The following ADAMTSL1 variants were observed in gnomAD, a reference collection of about 807,000 sequenced individuals.
The protein encoded by ADAMTSL1 is ADAMTS-like protein 1.
Under a neutral mutation model 201.8 loss-of-function variants are expected in ADAMTSL1, and 126 were observed. The ratio of observed to expected loss-of-function variants is 0.62; its 90% CI spans 0.54 to 0.72. ADAMTSL1 has a LOEUF of 0.72. ADAMTSL1 is among the 30% of genes least tolerant of loss of function. ADAMTSL1 has a pLI of 0.00. For synonymous variants in ADAMTSL1, 1,121 were observed against 903.4 expected (o/e 1.24, Z -4.32); for missense variants, 2,679 against 2,277.8 (o/e 1.18, Z -3.59).
chr9:18,267,595 C>G (rs1832168930), intron 2 of ADAMTSL1, among the ~76,000 whole-genome samples: 1 of 152,010 alleles, frequency 6.6e-6, no homozygotes, highest in Admixed American at 6.6e-5. Flanking sequence ...GGAAAGCACT[C>G]TACGAAAACT....
chr9:18,029,073 G>T (rs1165147141), intron 1 of ADAMTSL1, among the ~76,000 whole-genome samples: 1 of 152,014 alleles, frequency 6.6e-6, no homozygotes, highest in East Asian at 1.9e-4. Context: ...GTCTGTTATT[G>T]GTGTATAAGA....
intron 16 of ADAMTSL1, among the ~76,000 whole-genome samples, chr9:18,762,140 G>C (rs184035930): frequency 6.6e-6 from 1 of 152,232 alleles, no homozygotes; most frequent in Admixed American, 6.5e-5. Context: ...CTAGGCTCTG[G>C]GGAATATAAA....
intron 15 of ADAMTSL1, chr9:18,723,201 C>A: frequency 2.9e-6 from 2 of 688,708 alleles, no homozygotes; most frequent in South Asian, 1.6e-5. Flanking sequence ...ATGACTTGCT[C>A]ACATGTCCCA....
chr9:18,314,675 C>T lies in ADAMTSL1; in HGVS notation c.207+150694C>T, dbSNP rs957708099. On this transcript the variant is annotated intron_variant, in intron 2 of 29. Coordinates refer to the ADAMTSL1 transcript ENST00000680146. ...TTACAGCTCATAAAGGCATGCGGAC[C>T]GAAAGAGTGAGCAGCAGCAAGGTTT... 6.0e-5 allele frequency among the ~76,000 whole-genome samples: 9 copies of T among 150,576 alleles called. No homozygotes were observed. In the South Asian group the frequency reaches 6.4e-4, roughly 11 times the overall value.
At chr9:18,480,351 T>A (rs1007901138) in intron 1 of ADAMTSL1, among the ~76,000 whole-genome samples, 12 of 152,204 alleles carry the variant, frequency 7.9e-5, no homozygotes, top group Admixed American at 6.5e-4. Context: ...TCAGCCTATG[T>A]GATCCTCCAA....
chr9:18,083,253 G>T (rs1302721151), intron 1 of ADAMTSL1, among the ~76,000 whole-genome samples: 1 of 152,202 alleles, frequency 6.6e-6, no homozygotes, highest in Non-Finnish European at 1.5e-5. Flanking sequence ...AAAGATGATG[G>T]TAAGTAGGTT....
At chr9:18,177,490 CT>C (rs1416759666) in intron 2 of ADAMTSL1, among the ~76,000 whole-genome samples, 1 of 152,020 alleles carries the variant, frequency 6.6e-6, no homozygotes, top group African/African-American at 2.4e-5. Flanking sequence ...TTGTTTTTTC[CT>C]TATGTAAAAG....
At chr9:18,562,495 T>G (rs1423591896) in intron 3 of ADAMTSL1, among the ~76,000 whole-genome samples, 2 of 152,212 alleles carry the variant, frequency 1.3e-5, no homozygotes, top group African/African-American at 4.8e-5. Flanking sequence ...ATTATGTGTC[T>G]TGGGGTTGCT....
At chr9:18,307,402 T>C (rs180786874) in intron 2 of ADAMTSL1, among the ~76,000 whole-genome samples, 247 of 152,100 alleles carry the variant, frequency 1.6e-3, no homozygotes, top group Non-Finnish European at 2.6e-3. Context: ...GACTGGAAAA[T>C]TGGATAAAGG....
intron 1 of ADAMTSL1, among the ~76,000 whole-genome samples, chr9:18,023,044 A>G (rs551284556): frequency 1.5e-4 from 23 of 152,062 alleles, no homozygotes; most frequent in Non-Finnish European, 2.6e-4. Flanking sequence ...GACTTATCCA[A>G]TGGAATGAAT....
chr9:18,156,103 G>T (rs1478866638), intron 1 of ADAMTSL1, among the ~76,000 whole-genome samples: 3 of 151,976 alleles, frequency 2.0e-5, no homozygotes, highest in Non-Finnish European at 4.4e-5. Context: ...TCCTCAGAGA[G>T]CTCTGCCTTT....
intron 2 of ADAMTSL1, among the ~76,000 whole-genome samples, chr9:18,305,174 C>T (rs1301410070): frequency 6.6e-6 from 1 of 152,188 alleles, no homozygotes; most frequent in Non-Finnish European, 1.5e-5. Flanking sequence ...GCACTCTGGC[C>T]CAGATACTAT....
At chr9:18,389,416 A>G (rs750387305) in intron 2 of ADAMTSL1, among the ~76,000 whole-genome samples, 22 of 152,324 alleles carry the variant, frequency 1.4e-4, no homozygotes, top group Admixed American at 8.5e-4. Flanking sequence ...GAATTGTACC[A>G]AATATCCTGA....
chr9:18,542,983 G>C (rs1305011818), intron 3 of ADAMTSL1, among the ~76,000 whole-genome samples: 3 of 152,146 alleles, frequency 2.0e-5, no homozygotes, highest in Non-Finnish European at 4.4e-5. Flanking sequence ...GGCTTATAAT[G>C]GCCCTTCCTT....
chr9:18,640,848 A>T (rs985369466), intron 7 of ADAMTSL1, among the ~76,000 whole-genome samples: 1 of 152,040 alleles, frequency 6.6e-6, no homozygotes, highest in Non-Finnish European at 1.5e-5. Flanking sequence ...CTGAACTAGT[A>T]CCATGGACCC....
intron 2 of ADAMTSL1, among the ~76,000 whole-genome samples, chr9:18,432,262 T>G (rs1819526153): frequency 6.6e-6 from 1 of 152,198 alleles, no homozygotes; most frequent in Non-Finnish European, 1.5e-5. Context: ...ACATATCTCT[T>G]TATATTGGCA....
At chr9:18,757,217 T>C (rs1819822496) in intron 16 of ADAMTSL1, among the ~76,000 whole-genome samples, 1 of 152,246 alleles carries the variant, frequency 6.6e-6, no homozygotes, top group Non-Finnish European at 1.5e-5. Context: ...TGTTAGTTTA[T>C]ATTTAGACAG....
upstream of ADAMTSL1, among the ~76,000 whole-genome samples, chr9:18,471,973 A>G (rs1821234045): frequency 6.6e-6 from 1 of 152,180 alleles, no homozygotes; most frequent in Admixed American, 6.5e-5. Context: ...TTCCTCTACA[A>G]ATAGTATCTC....
intron 2 of ADAMTSL1, among the ~76,000 whole-genome samples, chr9:18,273,667 C>A (rs1345048450): frequency 1.3e-5 from 2 of 152,148 alleles, no homozygotes; most frequent in East Asian, 1.9e-4. Context: ...ATTAGGATGG[C>A]AATTTTATGT....
Sources: allele counts gnomAD v4.1 joint callset (sites outside exome capture counted in the v4.1 genomes callset), GRCh38; gene constraint gnomAD v4.1.1; transcripts MANE v1.5; gene names NCBI Gene and HGNC (gene_info 2026-07-23, HGNC 2026-07-21).